CPEB2: variants seen among roughly 807,000 people sequenced by gnomAD.
The protein encoded by CPEB2 is cytoplasmic polyadenylation element binding protein 2.
Under a neutral mutation model 93.6 loss-of-function variants are expected in CPEB2, and 56 were observed. The observed-to-expected ratio is 0.60, with a 90% CI of 0.48 to 0.75. The LOEUF (loss-of-function observed/expected upper bound fraction) is 0.75, where lower values mean the gene tolerates loss of function less well. CPEB2 is among the 30% of genes least tolerant of loss of function. The pLI is 0.00. For missense variants in CPEB2, 1,579 were observed against 1,395.1 expected, an observed-to-expected ratio of 1.13 and a Z score of -2.10; for synonymous variants, 764 against 586.3, an observed-to-expected ratio of 1.30 and a Z score of -4.38.
intron 4 of CPEB2, among the ~76,000 whole-genome samples, chr4:15,028,604 A>C (rs77790490): frequency 0.01 from 1,544 of 152,226 alleles, 21 homozygotes; most frequent in African/African-American, 0.036. Context: ...ACTATGCAGA[A>C]AAAATATACT....
intron 4 of CPEB2, among the ~76,000 whole-genome samples, chr4:15,018,879 A>T (rs936668351): frequency 1.3e-5 from 2 of 148,200 alleles, no homozygotes; most frequent in Non-Finnish European, 3.0e-5. Flanking sequence ...AGTGAAGGGA[A>T]ACGTAAAAAG....
chr4:15,054,107 G>A (rs1371423877), intron 7 of CPEB2, 21 bp from the exon 8 acceptor site: 17 of 1,526,442 alleles, frequency 1.1e-5, no homozygotes, highest in Non-Finnish European at 1.5e-5. Context: ...TTTCTAATGT[G>A]TATTATTGTA....
chr4:15,015,215 T>G (rs2108981270), intron 3 of CPEB2, among the ~76,000 whole-genome samples: 1 of 152,194 alleles, frequency 6.6e-6, no homozygotes, highest in African/African-American at 2.4e-5. Flanking sequence ...GTCTGTGTGT[T>G]TAACCAGCCT....
intron 3 of CPEB2, among the ~76,000 whole-genome samples, chr4:15,015,366 A>T (rs913941100): frequency 2.0e-5 from 3 of 152,052 alleles, no homozygotes; most frequent in Non-Finnish European, 4.4e-5. Flanking sequence ...GGGGCCTTTC[A>T]GTAAAAATCA....
At chr4:15,004,454 C>T (rs942081833) in intron 1 of CPEB2, 119 bp downstream of exon 1, 6 of 678,148 alleles carry the variant, frequency 8.8e-6, no homozygotes, top group South Asian at 2.3e-5. Context: ...GCGACGGGGG[C>T]CACTCGCCCA....
chr4:15,004,133 G>A lies in CPEB2; in HGVS notation c.1460G>A (p.Gly487Asp). The A allele has an allele frequency of 1.3e-6, 2 of 1,499,478 alleles. No individual in the cohort carries two copies. Among genetic ancestry groups the A allele is most frequent in the Admixed American group, 2.1e-5 (1 of 47,056 alleles). 92.9% of individuals were successfully genotyped at this position (1,499,478 alleles called of 1,614,324 possible). ...CCGACGAGCGGCGGCGGCGGCGGCG[G>A]CTTCGGCGGCCCCTTCTCGGCTACC... The part of the protein sequence containing the change: ...SVPTSGGGGG[G>D]FGGPFSATAV... The change falls in exon 1 of 12, where the codon GGC (glycine) becomes GAC (aspartate). Residue 487 changes from glycine (G) to aspartate (D), a missense_variant. By Grantham distance (94) the Gly-to-Asp change is moderately conservative. Transcript: ENST00000538197.
At position 15,003,300 on chromosome 4, in the gene CPEB2, CCCG is replaced by C. The variant is rs138365074; in HGVS notation, c.639_641del (p.Pro214del). 740 of 1,429,124 alleles carry C rather than the reference CCCG, an allele frequency of 5.2e-4. No individual in the cohort carries two copies. Among genetic ancestry groups the C allele is most frequent in the South Asian group, 2.0e-3 (133 of 66,216 alleles). The allele number at this position is 1,429,124 out of a possible 1,614,324, so 88.5% of individuals were successfully genotyped here. On this transcript the variant is annotated inframe_deletion, in exon 1 of 12. Transcript: ENST00000538197. ...CGCTCCACTGCCCCGGTCGGTTCAGCCCGCCGCCGCCGCCAGCCGGCCCGCTCC... is the reference window on the plus strand; with the variant it reads ...CGCTCCACTGCCCCGGTCGGTTCAGCCCGCCGCCGCCAGCCGGCCCGCTCC...
chr4:15,065,179 T>C (rs1729592678), intron 11 of CPEB2, among the ~76,000 whole-genome samples: 2 of 152,094 alleles, frequency 1.3e-5, no homozygotes, highest in Admixed American at 1.3e-4. Flanking sequence ...GCGGAAAATA[T>C]CCTTATATTC....
Position 15,002,564 on chromosome 4 carries a change from C to T in CPEB2, c.-110C>T. 1 of 887,064 alleles carries T rather than the reference C, an allele frequency of 1.1e-6. No individual in the cohort carries two copies. The highest frequency in any genetic ancestry group is 1.6e-6 in the Non-Finnish European group (1 of 615,330). The allele number at this position is 887,064 out of a possible 1,614,324, so 54.9% of individuals were successfully genotyped here. The stretch of plus-strand genomic sequence containing the variant: ...CCTGGCTCAGTCACGGTGTCCCTCT[C>T]TCACTGACTCCCCCTCCTTCCACCA... On this transcript the variant is annotated 5_prime_UTR_variant, in exon 1 of 12. Coordinates refer to ENST00000538197, the MANE Select transcript of CPEB2 (RefSeq NM_001177382.2).
Position 15,003,887 on chromosome 4 carries a change from A to C in CPEB2, c.1214A>C (p.Gln405Pro). ...QQPPPTQPQQ[Q>P]PPPPQQPPQP... ...CCGCCGCCGACCCAGCCGCAGCAGCAGCCGCCGCCACCCCAGCAGCCGCCC... is the reference window on the plus strand; with the variant it reads ...CCGCCGCCGACCCAGCCGCAGCAGCCGCCGCCGCCACCCCAGCAGCCGCCC... The change falls in exon 1 of 12, where the codon CAG (glutamine) becomes CCG (proline). Residue 405 changes from glutamine to proline, a missense_variant. By Grantham distance (76) the Gln-to-Pro change is moderately conservative. Around this residue, in one of 2 missense-constraint regions of CPEB2, gnomAD observed 1,411 missense variants for 1,056.0 expected, o/e 1.34. Coordinates refer to ENST00000538197, the MANE Select transcript of CPEB2 (RefSeq NM_001177382.2). 1.2e-6 allele frequency: 1 copy of C among 862,214 alleles called. No individual in the cohort carries two copies. Among genetic ancestry groups the C allele is most frequent in the Non-Finnish European group, 1.5e-6 (1 of 652,976 alleles). The allele number at this position is 862,214 out of a possible 1,614,324, so 53.4% of individuals were successfully genotyped here.
At position 15,002,555 on chromosome 4, in the gene CPEB2, T is replaced by A; in HGVS notation, c.-119T>A. 1 of 760,124 alleles carries A rather than the reference T, an allele frequency of 1.3e-6. No individual in the cohort carries two copies. The highest frequency in any genetic ancestry group is 2.1e-5 in the South Asian group (1 of 47,292). 47.1% of individuals were successfully genotyped at this position (760,124 alleles called of 1,614,324 possible). A position where few individuals can be genotyped will look rare whatever the true frequency, so the allele number is the denominator to read the frequency against. ...TCGGTGCCCCCTGGCTCAGTCACGG[T>A]GTCCCTCTCTCACTGACTCCCCCTC... On this transcript the variant is annotated 5_prime_UTR_variant, in exon 1 of 12. Coordinates refer to ENST00000538197, the MANE Select transcript of CPEB2 (RefSeq NM_001177382.2).
Position 15,002,869 on chromosome 4 carries a change from T to C in CPEB2, c.196T>C (p.Ser66Pro). Residue 66 changes from serine (S) to proline (P), a missense_variant, in exon 1 of 12, where the codon TCC (serine) becomes CCC (proline). Physicochemically the swap from Ser to Pro is moderately conservative, Grantham distance 74. Coordinates refer to ENST00000538197, the MANE Select transcript of CPEB2 (RefSeq NM_001177382.2). ...TGFLEAASPF[S>P]VPLGGGAGSP... ...CTTCTTAGAGGCCGCCTCCCCCTTC[T>C]CCGTCCCCCTCGGCGGCGGCGCGGG... The C allele has an allele frequency of 6.5e-7, 1 of 1,527,130 alleles. No homozygotes were observed. The allele number at this position is 1,527,130 out of a possible 1,614,324, so 94.6% of individuals were successfully genotyped here.
chr4:15,003,804 C>T lies in CPEB2; in HGVS notation c.1131C>T (p.Pro377=). The part of the protein sequence containing the change: ...GGGSASPPPL[P]GFGTPWSVQT... The stretch of plus-strand genomic sequence containing the variant: ...GCTCCGCGTCGCCGCCGCCGCTGCC[C>T]GGCTTCGGCACCCCCTGGTCGGTGC... Residue 377 remains proline, a synonymous_variant, in exon 1 of 12, where the codon CCC becomes CCT. Transcript: ENST00000538197. The T allele has an allele frequency of 3.9e-6, 4 of 1,021,758 alleles. No homozygotes were observed. The highest frequency in any genetic ancestry group is 4.2e-5 in the South Asian group (1 of 23,750). 63.3% of individuals were successfully genotyped at this position (1,021,758 alleles called of 1,614,324 possible).
At chr4:15,042,551 G>A (rs954431423) in intron 6 of CPEB2, among the ~76,000 whole-genome samples, 6 of 152,144 alleles carry the variant, frequency 3.9e-5, no homozygotes, top group Admixed American at 1.3e-4. Flanking sequence ...TAGCATAAGG[G>A]GGAGTGAATG....
At chr4:15,017,413 ATC>A in intron 4 of CPEB2, 135 bp downstream of exon 4, 1 of 473,286 alleles carries the variant, frequency 2.1e-6, no homozygotes, top group Non-Finnish European at 3.7e-6. Flanking sequence ...ATTAATGAGA[ATC>A]TTTGTTTTTA....
chr4:15,061,953 A>G (rs1449258044), intron 10 of CPEB2, 126 bp from the exon 11 acceptor site: 3 of 857,178 alleles, frequency 3.5e-6, no homozygotes, highest in Non-Finnish European at 5.3e-6. Flanking sequence ...ACAGCCTCTT[A>G]TCTGCCATTC....
chr4:15,004,359 G>C (rs1178429367), intron 1 of CPEB2, 24 bp downstream of exon 1: 2 of 1,412,956 alleles, frequency 1.4e-6, no homozygotes, highest in East Asian at 6.1e-5. Flanking sequence ...CGGCCTGGCC[G>C]CGCCGCGGGA....
chr4:15,065,282 T>C (rs1179161608), intron 11 of CPEB2, among the ~76,000 whole-genome samples: 1 of 152,108 alleles, frequency 6.6e-6, no homozygotes, highest in East Asian at 1.9e-4. Flanking sequence ...CTTTACTTTA[T>C]GTCAATCCAG....
chr4:15,028,396 ATT>A (rs1444800744), intron 4 of CPEB2, among the ~76,000 whole-genome samples: 1 of 151,650 alleles, frequency 6.6e-6, no homozygotes, highest in Non-Finnish European at 1.5e-5. Flanking sequence ...ATGTTAAGGT[ATT>A]TGTGTTTTTG....
Sources: gnomAD v4.1 joint callset for allele counts (sites outside exome capture counted in the v4.1 genomes callset) on GRCh38, gnomAD v4.1.1 for gene constraint, gnomAD v4.1.1 regional missense constraint, MANE v1.5 for transcripts, NCBI Gene and HGNC (gene_info 2026-07-23, HGNC 2026-07-21) for gene names.